Variants in INAVA observed in about 807,000 individuals in gnomAD.
The protein encoded by INAVA is innate immunity activator.
INAVA carries 32 observed loss-of-function variants against 55.3 expected under a neutral mutation model. The ratio of observed to expected loss-of-function variants is 0.58; its 90% CI spans 0.44 to 0.78. The LOEUF is 0.78. INAVA is among the 30% of genes least tolerant of loss of function. The pLI is 0.00. For synonymous variants in INAVA, 294 were observed against 329.4 expected (o/e 0.89, Z 1.16); for missense variants, 756 against 786.4 (o/e 0.96, Z 0.46).
chr1:200,892,046 A>G (rs1668248767), upstream of INAVA, among the ~76,000 whole-genome samples: 1 of 152,172 alleles, frequency 6.6e-6, no homozygotes, highest in South Asian at 2.1e-4. Context: ...GAGAAAGCCT[A>G]GAGGTCTCAT....
intron 5 of INAVA, among the ~76,000 whole-genome samples, chr1:200,904,209 C>G (rs1188076490): frequency 1.3e-5 from 2 of 152,112 alleles, no homozygotes; most frequent in Non-Finnish European, 2.9e-5. Flanking sequence ...CTGCCTCAGC[C>G]TCCTGAGTAG....
chr1:200,894,315 C>G (rs1453317981), upstream of INAVA, among the ~76,000 whole-genome samples: 1 of 152,018 alleles, frequency 6.6e-6, no homozygotes, highest in African/African-American at 2.4e-5. Flanking sequence ...GCCTCGATAC[C>G]CTTGGGGGAC....
Position 200,900,143 on chromosome 1 carries a change from C to T in INAVA, c.220C>T (p.Pro74Ser). 2 of 1,614,052 alleles carry T rather than the reference C, an allele frequency of 1.2e-6. No individual in the cohort carries two copies. The highest frequency in any genetic ancestry group is 1.7e-5 in the Admixed American group (1 of 60,012). ...GTLPAEYPLK[P>S]GEKAPKVRRR... Reference sequence around the variant, plus strand: ...CTTGCCAGCGGAGTATCCCCTCAAACCAGGGGAAAAGGCCCCCAAGGTTCG... The same window carrying T: ...CTTGCCAGCGGAGTATCCCCTCAAATCAGGGGAAAAGGCCCCCAAGGTTCG... Residue 74 changes from proline to serine, a missense_variant, in exon 4 of 10, where the codon CCA becomes TCA. Pro to Ser is a moderately conservative substitution (Grantham distance 74). Coordinates refer to ENST00000413687, the MANE Select transcript of INAVA (RefSeq NM_001142569.3).
chr1:200,911,502 C>A lies in INAVA; in HGVS notation c.1009C>A (p.Pro337Thr). Residue 337 changes from proline (P) to threonine (T), a missense_variant, in exon 9 of 10, where the codon CCC becomes ACC. By Grantham distance (38) the Pro-to-Thr change is conservative. This residue lies in a region of INAVA where 639 missense variants were observed against 624.3 expected (regional missense o/e 1.02). Coordinates refer to ENST00000413687, the MANE Select transcript of INAVA (RefSeq NM_001142569.3). ...TGAGGGCCGAGGTCGCAGCGCCTTTCCCCGCCGCCGCCCCACTCACTACAC... is the reference window on the plus strand; with the variant it reads ...TGAGGGCCGAGGTCGCAGCGCCTTTACCCGCCGCCGCCCCACTCACTACAC... ...GPEGRGRSAF[P>T]RRRPTHYTVT... The A allele has an allele frequency of 6.2e-7, 1 of 1,613,706 alleles. No homozygotes were observed. The highest frequency in any genetic ancestry group is 8.5e-7 in the Non-Finnish European group (1 of 1,179,882).
At chr1:200,913,029 T>C (rs1320616317) in intron 9 of INAVA, among the ~76,000 whole-genome samples, 4 of 152,168 alleles carry the variant, frequency 2.6e-5, no homozygotes. Flanking sequence ...GCAGGTGATG[T>C]GCTCCAGAAG....
intron 5 of INAVA, among the ~76,000 whole-genome samples, chr1:200,907,203 G>GGACA (rs1210735958): frequency 1.3e-5 from 2 of 152,260 alleles, no homozygotes; most frequent in East Asian, 1.9e-4. Context: ...CCCTGCCAGA[G>GGACA]GACACCCTTT....
At chr1:200,906,880 C>T (rs895173025) in intron 5 of INAVA, among the ~76,000 whole-genome samples, 4 of 152,100 alleles carry the variant, frequency 2.6e-5, no homozygotes, top group East Asian at 1.9e-4. Flanking sequence ...GGCTGGAGTG[C>T]GGTGGTGTGA....
In INAVA at chr1:200,908,760, A is replaced by G. The variant is rs1329161438; in HGVS notation, c.605A>G (p.Glu202Gly). ...EESQVPKPPP[E>G]SPAPPSRPLP... Reference sequence around the variant, plus strand: ...TCCCAAGTGCCAAAACCTCCTCCAGAGTCTCCAGCCCCACCTTCTCGGCCT... The same window carrying G: ...TCCCAAGTGCCAAAACCTCCTCCAGGGTCTCCAGCCCCACCTTCTCGGCCT... The change falls in exon 7 of 10, where the codon GAG becomes GGG. Residue 202 changes from glutamate (E) to glycine (G), a missense_variant. Transcript: ENST00000413687. The G allele has an allele frequency of 6.3e-7, 1 of 1,597,706 alleles. No homozygotes were observed. The highest frequency in any genetic ancestry group is 1.4e-5 in the African/African-American group (1 of 74,044).
chr1:200,900,975 G>T lies in INAVA; in HGVS notation c.336G>T (p.Gln112His). ...LSSLERQLAL[Q>H]LQITEAARRL... ...GCCTGGAGCGCCAGCTGGCCCTGCA[G>T]CTGCAGATCACAGAGGCAGCCCGTC... Residue 112 changes from glutamine to histidine, a missense_variant, in exon 5 of 10, where the codon CAG becomes CAT. Physicochemically the swap from Gln to His is conservative, Grantham distance 24. This residue lies in a region of INAVA where 639 missense variants were observed against 624.3 expected (regional missense o/e 1.02). Coordinates refer to ENST00000413687, the MANE Select transcript of INAVA (RefSeq NM_001142569.3). 2.6e-6 allele frequency: 4 copies of T among 1,556,400 alleles called. No homozygotes were observed. The highest frequency in any genetic ancestry group is 3.5e-6 in the Non-Finnish European group (4 of 1,149,600).
intron 8 of INAVA, among the ~76,000 whole-genome samples, chr1:200,910,257 T>C (rs191217256): frequency 2.6e-5 from 4 of 152,346 alleles, no homozygotes; most frequent in Admixed American, 2.0e-4. Flanking sequence ...ATTTGTCACT[T>C]TTCTGCAGTG....
intron 1 of INAVA, among the ~76,000 whole-genome samples, chr1:200,896,987 G>A (rs1668366398): frequency 6.6e-6 from 1 of 152,258 alleles, no homozygotes; most frequent in Admixed American, 6.5e-5. Flanking sequence ...CCAACCACCT[G>A]CATGGGCTCC....
chr1:200,891,866 A>G (rs1047676295), upstream of INAVA, among the ~76,000 whole-genome samples: 5 of 152,212 alleles, frequency 3.3e-5, no homozygotes, highest in South Asian at 2.1e-4. Flanking sequence ...GCACATTTCC[A>G]GTCCCTCAAC....
chr1:200,913,715 C>A lies in INAVA; in HGVS notation c.*86C>A, dbSNP rs1334965534. The stretch of plus-strand genomic sequence containing the variant: ...CCCTGAGTGCCTCTTTCAGCTCCCC[C>A]ATCCCCATCGCAGGCCGATGACCTG... On this transcript the variant is annotated 3_prime_UTR_variant, in exon 10 of 10. Transcript: ENST00000413687. 4.1e-5 allele frequency: 46 copies of A among 1,121,876 alleles called. No homozygotes were observed. The African/African-American group carries it at 7.1e-4, about 17-fold the overall frequency. The allele number at this position is 1,121,876 out of a possible 1,614,324, so 69.5% of individuals were successfully genotyped here. A position where few individuals can be genotyped will look rare whatever the true frequency, so the allele number is the denominator to read the frequency against.
At chr1:200,911,422 A>G in intron 8 of INAVA, 31 bp from the exon 9 acceptor site, 1 of 1,582,888 alleles carries the variant, frequency 6.3e-7, no homozygotes, top group African/African-American at 1.3e-5. Flanking sequence ...TCTGCCCCCC[A>G]CACTCAGAAT....
At position 200,900,974 on chromosome 1, in the gene INAVA, A is replaced by G. The variant is rs1289456037; in HGVS notation, c.335A>G (p.Gln112Arg). Residue 112 changes from glutamine (Q) to arginine (R), a missense_variant, in exon 5 of 10, where the codon CAG becomes CGG. Around this residue, in one of 2 missense-constraint regions of INAVA, gnomAD observed 639 missense variants for 624.3 expected, o/e 1.02. Coordinates refer to ENST00000413687, the MANE Select transcript of INAVA (RefSeq NM_001142569.3). ...AGCCTGGAGCGCCAGCTGGCCCTGC[A>G]GCTGCAGATCACAGAGGCAGCCCGT... ...LSSLERQLAL[Q>R]LQITEAARRL... 9.6e-6 allele frequency: 15 copies of G among 1,556,054 alleles called. No individual in the cohort carries two copies. The highest frequency in any genetic ancestry group is 1.3e-5 in the Non-Finnish European group (15 of 1,149,456).
intron 9 of INAVA, among the ~76,000 whole-genome samples, chr1:200,912,905 C>T (rs796733715): frequency 2.0e-5 from 3 of 152,298 alleles, no homozygotes; most frequent in African/African-American, 7.2e-5. Context: ...AGCACCCTGA[C>T]ACTGGGTAGG....
At chr1:200,891,570 A>G, upstream of INAVA, 2 of 1,596,754 alleles carry the variant, frequency 1.3e-6, no homozygotes. Context: ...TAAATGAAAT[A>G]CCTCCGGGGA....
chr1:200,909,353 C>T lies in INAVA; in HGVS notation c.915C>T (p.Ala305=), dbSNP rs779098063. The T allele has an allele frequency of 6.2e-7, 1 of 1,610,316 alleles. No homozygotes were observed. The highest frequency in any genetic ancestry group is 8.5e-7 in the Non-Finnish European group (1 of 1,178,110). The change falls in exon 8 of 10, where the codon GCC becomes GCT. Residue 305 remains alanine (A), a synonymous_variant. Transcript: ENST00000413687. The part of the protein sequence containing the change: ...GQWQGRTSAP[A]TPEIQGRRGQ... The stretch of plus-strand genomic sequence containing the variant: ...GGCAGGGCCGCACCAGTGCCCCAGC[C>T]ACCCCTGAGATACAGGGGAGGAGGG...
chr1:200,900,258 C>T, intron 4 of INAVA, 38 bp downstream of exon 4: 6 of 1,563,710 alleles, frequency 3.8e-6, no homozygotes, highest in Non-Finnish European at 5.3e-6. Flanking sequence ...CCCCTCGATC[C>T]CCAAAGCTGA....
Sources: gnomAD v4.1 joint callset for allele counts (sites outside exome capture counted in the v4.1 genomes callset) on GRCh38, gnomAD v4.1.1 for gene constraint, gnomAD v4.1.1 regional missense constraint, MANE v1.5 for transcripts, NCBI Gene and HGNC (gene_info 2026-07-23, HGNC 2026-07-21) for gene names.